The following OVOL2 variants were observed in gnomAD, a reference collection of about 807,000 sequenced individuals.
OVOL2 encodes transcription factor Ovo-like 2.
OVOL2 carries 13 observed loss-of-function variants against 18.1 expected under a neutral mutation model. The ratio of observed to expected loss-of-function variants is 0.72; its 90% CI spans 0.47 to 1.14. OVOL2 has a LOEUF of 1.14. Ranked by LOEUF, OVOL2 falls within the 50% of genes most tolerant of loss-of-function variation. The probability of loss-of-function intolerance (pLI) is 0.00; values close to 1 mark genes in which losing one functional copy is unlikely to be tolerated. For synonymous variants in OVOL2, 166 were observed against 162.7 expected (o/e 1.02, Z -0.16); for missense variants, 335 against 383.0 (o/e 0.87, Z 1.05).
rs1354197600 is a variant in OVOL2, at chr20:18,052,414, T to C, written c.321+4243A>G. 2.0e-5 allele frequency among the ~76,000 whole-genome samples: 3 copies of C among 152,180 alleles called. No individual in the cohort carries two copies. The East Asian group carries it at 5.8e-4, about 29-fold the overall frequency. Reference sequence around the variant, plus strand: ...GTGTGATCATGAATTTTGGTCTTTATCCACTAAACGCACATTCTGAACTAT... The same window carrying C: ...GTGTGATCATGAATTTTGGTCTTTACCCACTAAACGCACATTCTGAACTAT... On this transcript the variant is annotated intron_variant, in intron 2 of 3. Transcript: ENST00000278780.
At chr20:18,037,776 T>C (rs2036630379) in intron 3 of OVOL2, among the ~76,000 whole-genome samples, 1 of 152,160 alleles carries the variant, frequency 6.6e-6, no homozygotes, top group East Asian at 1.9e-4. Context: ...CCAGTGGGAT[T>C]GAGCCTCCGC....
Position 18,057,905 on chromosome 20 carries a change from A to C in OVOL2, c.-271T>G, listed in dbSNP as rs2036846350. 2.3e-6 allele frequency: 3 copies of C among 1,302,196 alleles called. No individual in the cohort carries two copies. In the South Asian group the frequency reaches 6.2e-5, roughly 27 times the overall value. The allele number at this position is 1,302,196 out of a possible 1,614,324, so 80.7% of individuals were successfully genotyped here. A position where few individuals can be genotyped will look rare whatever the true frequency, so the allele number is the denominator to read the frequency against. ...TTTCATAAGGTGGAATAGAAAAGGCACCAGGAAACTTGGGACTGAGCATGC... is the reference window on the plus strand; with the variant it reads ...TTTCATAAGGTGGAATAGAAAAGGCCCCAGGAAACTTGGGACTGAGCATGC... On this transcript the variant is annotated 5_prime_UTR_variant, in exon 1 of 4. Coordinates refer to ENST00000278780, the MANE Select transcript of OVOL2 (RefSeq NM_021220.4). This position sits in a 1 kb window ranked among gnomAD's most constrained non-coding sequence, Gnocchi z 6.3.
intron 2 of OVOL2, among the ~76,000 whole-genome samples, chr20:18,048,762 T>C (rs73101526): frequency 0.065 from 9,966 of 152,178 alleles, 398 homozygotes; most frequent in African/African-American, 0.1. Context: ...ACAACCAACA[T>C]TCTCTCCTAT....
intron 2 of OVOL2, among the ~76,000 whole-genome samples, chr20:18,046,326 G>A (rs565915923): frequency 1.3e-5 from 2 of 152,110 alleles, no homozygotes; most frequent in African/African-American, 4.8e-5. Flanking sequence ...GTGAAAAAAC[G>A]GTGGCAGAAC....
chr20:18,037,349 T>C (rs1002043249), intron 3 of OVOL2, among the ~76,000 whole-genome samples: 11 of 152,198 alleles, frequency 7.2e-5, no homozygotes, highest in Non-Finnish European at 1.5e-4. Flanking sequence ...GGTTTCCTCC[T>C]CTGCAAAAGG....
At chr20:18,054,779 A>G (rs1006092913) in intron 2 of OVOL2, among the ~76,000 whole-genome samples, 11 of 135,876 alleles carry the variant, frequency 8.1e-5, no homozygotes, top group East Asian at 2.1e-4. Flanking sequence ...AAAAAAAAAA[A>G]AAAGAAAGAA....
At chr20:18,048,231 G>A (rs1012569085) in intron 2 of OVOL2, among the ~76,000 whole-genome samples, 9 of 152,058 alleles carry the variant, frequency 5.9e-5, no homozygotes, top group South Asian at 2.1e-4. Context: ...AGTTTGCAGC[G>A]AGCCAAGATC....
At chr20:18,040,999 T>C (rs1261447954) in intron 3 of OVOL2, among the ~76,000 whole-genome samples, 1 of 152,120 alleles carries the variant, frequency 6.6e-6, no homozygotes, top group East Asian at 1.9e-4. Flanking sequence ...AGGGATCCGT[T>C]TTGAGCCTCG....
chr20:18,042,218 C>T (rs948056556), intron 2 of OVOL2, among the ~76,000 whole-genome samples: 14 of 152,008 alleles, frequency 9.2e-5, no homozygotes, highest in African/African-American at 3.4e-4. Context: ...CAGCCAGTTG[C>T]TCCCACTTTT....
chr20:18,058,928 G>T (rs2036854448), upstream of OVOL2: 1 of 152,164 alleles, frequency 6.6e-6, no homozygotes, highest in African/African-American at 2.4e-5. Flanking sequence ...CCTTGTTCGG[G>T]TGCGCCCAGG....
At chr20:18,036,900 G>A (rs1321214987) in intron 3 of OVOL2, among the ~76,000 whole-genome samples, 2 of 152,136 alleles carry the variant, frequency 1.3e-5, no homozygotes, top group Non-Finnish European at 2.9e-5. Flanking sequence ...ACTTTGGGAG[G>A]CCGAGGCGGG....
Position 18,057,053 on chromosome 20 carries a change from TG to T in OVOL2, c.101-177del, listed in dbSNP as rs1232263487. ...CCCGAATCGGCCCACAGAGCTAGCTTGGGGTGCTCGGAGCCTCTTTCCGGTC... is the reference window on the plus strand; with the variant it reads ...CCCGAATCGGCCCACAGAGCTAGCTTGGGTGCTCGGAGCCTCTTTCCGGTC... On this transcript the variant is annotated intron_variant, in intron 1 of 3. Transcript: ENST00000278780. This position sits in a 1 kb window ranked among gnomAD's most constrained non-coding sequence, Gnocchi z 6.3. 6.6e-6 allele frequency among the ~76,000 whole-genome samples: 1 copy of T among 152,020 alleles called. No individual in the cohort carries two copies. Among genetic ancestry groups the T allele is most frequent in the Non-Finnish European group, 1.5e-5 (1 of 67,978 alleles).
chr20:18,025,066 A>G, intron 3 of OVOL2, 114 bp from the exon 4 acceptor site: 1 of 1,242,416 alleles, frequency 8.0e-7, no homozygotes, highest in African/African-American at 1.5e-5. Context: ...CAGCATGAGG[A>G]CAATGGTTAC....
Position 18,024,499 on chromosome 20 carries a change from C to T in OVOL2, c.*137G>A. 1 of 1,433,226 alleles carries T rather than the reference C, an allele frequency of 7.0e-7. No homozygotes were observed. The highest frequency in any genetic ancestry group is 2.5e-5 in the East Asian group (1 of 39,842). 88.8% of individuals were successfully genotyped at this position (1,433,226 alleles called of 1,614,324 possible). On this transcript the variant is annotated 3_prime_UTR_variant, in exon 4 of 4. Transcript: ENST00000278780. ...GACAATCTTGGAATGGACCCTACTGCTGATGTTTCAAAAGGACACAGAGGT... is the reference window on the plus strand; with the variant it reads ...GACAATCTTGGAATGGACCCTACTGTTGATGTTTCAAAAGGACACAGAGGT...
chr20:18,037,072 C>A (rs1288978241), intron 3 of OVOL2, among the ~76,000 whole-genome samples: 1 of 148,552 alleles, frequency 6.7e-6, no homozygotes, highest in Non-Finnish European at 1.5e-5. Context: ...GGAGGCGGAG[C>A]TTGCAGTGAG....
rs145927619 is a variant in OVOL2 at position 18,057,539 on chromosome 20, G to A, written c.96C>T (p.Ile32=). 27 of 1,578,152 alleles carry A rather than the reference G, an allele frequency of 1.7e-5. No individual in the cohort carries two copies. Among genetic ancestry groups the A allele is most frequent in the Non-Finnish European group, 2.2e-5 (26 of 1,161,812 alleles). Residue 32 remains isoleucine (I), a synonymous_variant, in exon 1 of 4, where the codon ATC becomes ATT. Coordinates refer to ENST00000278780, the MANE Select transcript of OVOL2 (RefSeq NM_021220.4). The surrounding 1 kb of genome is among the most constrained non-coding windows in gnomAD (Gnocchi z 6.3). ...LPDEKRADTY[I]PVGLGRLLHD... is the part of the protein sequence containing the mutation. Reference sequence around the variant, plus strand: ...CCGGCCCCCGCGCGCGCTCACCTGGGATGTAGGTGTCTGCCCTTTTCTCAT... The same window carrying A: ...CCGGCCCCCGCGCGCGCTCACCTGGAATGTAGGTGTCTGCCCTTTTCTCAT...
intron 2 of OVOL2, 114 bp from the exon 3 acceptor site, chr20:18,041,837 C>T (rs989436417): frequency 3.2e-6 from 3 of 944,186 alleles, no homozygotes; most frequent in Non-Finnish European, 4.5e-6. Context: ...GGCTTCTGCC[C>T]CTAAAATTTT....
intron 3 of OVOL2, among the ~76,000 whole-genome samples, chr20:18,040,724 C>T (rs1176489314): frequency 6.6e-6 from 1 of 152,158 alleles, no homozygotes; most frequent in Non-Finnish European, 1.5e-5. Context: ...AGTCAGAAAA[C>T]TGAGGCAGGT....
At chr20:18,026,836 G>T (rs2036523585) in intron 3 of OVOL2, among the ~76,000 whole-genome samples, 2 of 152,018 alleles carry the variant, frequency 1.3e-5, no homozygotes, top group Non-Finnish European at 1.5e-5. Flanking sequence ...ACCCAGCTCA[G>T]CACCCTACAC....
Sources: allele counts gnomAD v4.1 joint callset (sites outside exome capture counted in the v4.1 genomes callset), GRCh38; gene constraint gnomAD v4.1.1; non-coding constraint Gnocchi (gnomAD v3.1); transcripts MANE v1.5; gene names NCBI Gene and HGNC (gene_info 2026-07-23, HGNC 2026-07-21).